LIMCH1: variants seen among roughly 807,000 people sequenced by gnomAD.
LIMCH1 encodes the protein LIM and calponin homology domains 1.
Under a neutral mutation model 176.5 loss-of-function variants are expected in LIMCH1, and 113 were observed. That is an observed-to-expected ratio of 0.64 (90% CI 0.55 to 0.75). The LOEUF (loss-of-function observed/expected upper bound fraction) is 0.75. Among genes scored for constraint, LIMCH1 ranks in the 30% least tolerant of loss-of-function variants. The pLI is 0.00. For missense variants in LIMCH1, 1,674 were observed against 1,814.9 expected (o/e 0.92, Z 1.41); for synonymous variants, 619 against 645.9 (o/e 0.96, Z 0.63).
At chr4:41,409,756 A>G (rs62411112) in intron 1 of LIMCH1, among the ~76,000 whole-genome samples, 558 of 152,294 alleles carry the variant, frequency 3.7e-3, no homozygotes, top group Middle Eastern at 6.8e-3. Flanking sequence ...TAATATTGCC[A>G]GACTTTACAG....
At chr4:41,682,675 C>T (rs80134994) in intron 26 of LIMCH1, among the ~76,000 whole-genome samples, 10,144 of 142,124 alleles carry the variant, frequency 0.071, 428 homozygotes, top group South Asian at 0.11. Flanking sequence ...TTTTCTTCTT[C>T]TTCTTTTTTT....
At chr4:41,409,612 T>C (rs190296133) in intron 1 of LIMCH1, among the ~76,000 whole-genome samples, 1 of 152,324 alleles carries the variant, frequency 6.6e-6, no homozygotes, top group African/African-American at 2.4e-5. Context: ...GATGGTTTGA[T>C]AGCTATAAGC....
chr4:41,604,023 T>C, intron 3 of LIMCH1, 118 bp downstream of exon 3: 1 of 986,024 alleles, frequency 1.0e-6, no homozygotes, highest in Non-Finnish European at 1.5e-6. Flanking sequence ...ATATGTGTAT[T>C]TCATAGAATA....
intron 21 of LIMCH1, among the ~76,000 whole-genome samples, chr4:41,667,719 G>T (rs1046016451): frequency 9.2e-5 from 14 of 152,142 alleles, no homozygotes; most frequent in Non-Finnish European, 1.8e-4. Context: ...ATGACCACCA[G>T]AAAGGGCCCT....
At chr4:41,661,627 A>G (rs2094623715) in intron 19 of LIMCH1, 117 bp downstream of exon 19, 1 of 771,076 alleles carries the variant, frequency 1.3e-6, no homozygotes, top group South Asian at 1.6e-5. Flanking sequence ...AGACTCCAGG[A>G]GTGGTGCGGT....
In LIMCH1 at chr4:41,531,785, A is replaced by G. The variant is rs565605069; in HGVS notation, c.237+7307A>G. Reference sequence around the variant, plus strand: ...GGAGAAGGAAGGGCTTGGAATAAAAACCCTCATGTGTTTTTCCTGCTACTC... The same window carrying G: ...GGAGAAGGAAGGGCTTGGAATAAAAGCCCTCATGTGTTTTTCCTGCTACTC... On this transcript the variant is annotated intron_variant, in intron 3 of 26. Transcript: ENST00000313860. Among the ~76,000 whole-genome samples the G allele has an allele frequency of 8.9e-4, 136 of 152,104 alleles. 3 individuals are homozygous for G. The South Asian group carries it at 0.028, about 31-fold the overall frequency.
chr4:41,555,978 C>G (rs2081193767), intron 1 of LIMCH1, among the ~76,000 whole-genome samples: 1 of 151,982 alleles, frequency 6.6e-6, no homozygotes, highest in Admixed American at 6.6e-5. Context: ...CTCCTGGGCT[C>G]AGGGGGTCTG....
At chr4:41,487,070 A>C (rs71624491) in intron 1 of LIMCH1, among the ~76,000 whole-genome samples, 6 of 151,746 alleles carry the variant, frequency 4.0e-5, no homozygotes, top group African/African-American at 1.2e-4. Context: ...CATGTTGGCC[A>C]GGCTGGTCTT....
chr4:41,622,924 A>G (rs2152832417), intron 7 of LIMCH1, among the ~76,000 whole-genome samples: 1 of 152,286 alleles, frequency 6.6e-6, no homozygotes, highest in Admixed American at 6.5e-5. Context: ...GAATGTTCCC[A>G]ATAGCAACAC....
At chr4:41,652,437 A>G (rs1268843978) in intron 18 of LIMCH1, among the ~76,000 whole-genome samples, 2 of 152,256 alleles carry the variant, frequency 1.3e-5, no homozygotes, top group African/African-American at 4.8e-5. Context: ...GACTTCCTGG[A>G]CTTCCATTTT....
intron 1 of LIMCH1, among the ~76,000 whole-genome samples, chr4:41,362,254 A>G (rs531918851): frequency 9.8e-5 from 15 of 152,362 alleles, no homozygotes; most frequent in Admixed American, 7.8e-4. Context: ...GAAACAGAAC[A>G]ATGAACATCA....
In LIMCH1 at chr4:41,680,935, A is replaced by G. The variant is rs765391394; in HGVS notation, c.3613-20A>G. On this transcript the variant is annotated intron_variant, in intron 24 of 31. Coordinates refer to ENST00000503057, the MANE Select transcript of LIMCH1 (RefSeq NM_001330672.2). ...ATTTTTATTTTCCCCCCTTTCATCG[A>G]TTCCTGTCCTTCCCCTTAGGAGCGT... 1.5e-5 allele frequency: 21 copies of G among 1,365,296 alleles called. No individual in the cohort carries two copies. Among genetic ancestry groups the G allele is most frequent in the Middle Eastern group, 1.8e-4 (1 of 5,492 alleles). 84.6% of individuals were successfully genotyped at this position (1,365,296 alleles called of 1,614,324 possible). A position where few individuals can be genotyped will look rare whatever the true frequency, so the allele number is the denominator to read the frequency against.
chr4:41,449,616 A>T (rs922730063), intron 1 of LIMCH1, among the ~76,000 whole-genome samples: 1 of 152,176 alleles, frequency 6.6e-6, no homozygotes, highest in African/African-American at 2.4e-5. Flanking sequence ...CTAGGGATAG[A>T]TTCCTAGAAT....
chr4:41,583,913 G>A (rs1435671662), intron 1 of LIMCH1, among the ~76,000 whole-genome samples: 1 of 152,040 alleles, frequency 6.6e-6, no homozygotes, highest in African/African-American at 2.4e-5. Flanking sequence ...AATTACTTCA[G>A]GTTTGTTTTG....
At chr4:41,390,003 C>A (rs930207885) in intron 1 of LIMCH1, among the ~76,000 whole-genome samples, 1 of 152,290 alleles carries the variant, frequency 6.6e-6, no homozygotes, top group South Asian at 2.1e-4. Flanking sequence ...TCTCTGCATT[C>A]ACCTTAAGGA....
chr4:41,488,773 C>T (rs2070190390), intron 1 of LIMCH1, among the ~76,000 whole-genome samples: 1 of 152,048 alleles, frequency 6.6e-6, no homozygotes. Context: ...ACCATTTTGG[C>T]ATATTTTCTG....
intron 1 of LIMCH1, among the ~76,000 whole-genome samples, chr4:41,422,955 C>T (rs965308779): frequency 2.0e-5 from 3 of 151,998 alleles, no homozygotes; most frequent in East Asian, 3.9e-4. Context: ...GATGGGGTTT[C>T]GCTATGTTGC....
At chr4:41,529,737 C>T (rs187957217) in intron 3 of LIMCH1, among the ~76,000 whole-genome samples, 4 of 147,350 alleles carry the variant, frequency 2.7e-5, no homozygotes, top group Non-Finnish European at 5.9e-5. Context: ...GGCAAAAACT[C>T]ATTTTTTAAG....
intron 1 of LIMCH1, 129 bp from the exon 2 acceptor site, chr4:41,598,791 A>T: frequency 2.1e-6 from 1 of 481,492 alleles, no homozygotes; most frequent in South Asian, 4.1e-5. Flanking sequence ...ATGATTTGTT[A>T]TGCAAGCTAT....
Sources: allele counts gnomAD v4.1 joint callset (sites outside exome capture counted in the v4.1 genomes callset), GRCh38; gene constraint gnomAD v4.1.1; transcripts MANE v1.5; gene names NCBI Gene and HGNC (gene_info 2026-07-23, HGNC 2026-07-21).